The following TMEM117 variants were observed in gnomAD, a reference collection of about 807,000 sequenced individuals.
The protein encoded by TMEM117 is transmembrane protein 117.
A neutral mutation model predicts 52.4 loss-of-function variants in TMEM117; 27 were observed. The ratio of observed to expected loss-of-function variants is 0.51; its 90% CI spans 0.38 to 0.71. The LOEUF (loss-of-function observed/expected upper bound fraction) is 0.71, where lower values mean the gene tolerates loss of function less well. Ranked by LOEUF, TMEM117 falls within the 30% of genes least tolerant of loss-of-function variation. The pLI is 0.00. For missense variants in TMEM117, 556 were observed against 630.5 expected (o/e 0.88, Z 1.26); for synonymous variants, 215 against 206.3 (o/e 1.04, Z -0.36).
At chr12:43,998,953 T>C (rs1008858072) in intron 3 of TMEM117, among the ~76,000 whole-genome samples, 2 of 152,198 alleles carry the variant, frequency 1.3e-5, no homozygotes, top group African/African-American at 2.4e-5. Context: ...CACATCTTAA[T>C]TGATCATCAA....
At chr12:44,021,538 C>T (rs922767716) in intron 3 of TMEM117, among the ~76,000 whole-genome samples, 18 of 152,184 alleles carry the variant, frequency 1.2e-4, no homozygotes, top group Non-Finnish European at 2.4e-4. Flanking sequence ...TAGAACCAAA[C>T]TCAAATTCTT....
intron 3 of TMEM117, among the ~76,000 whole-genome samples, chr12:44,001,651 TCAC>T (rs1263543549): frequency 6.6e-6 from 1 of 151,536 alleles, no homozygotes; most frequent in Non-Finnish European, 1.5e-5. Flanking sequence ...GAAGACAAAT[TCAC>T]AGCCTGGTTC....
the TMEM117 span, among the ~76,000 whole-genome samples, chr12:43,810,516 G>C: frequency 6.6e-6 from 1 of 152,162 alleles, no homozygotes; most frequent in Non-Finnish European, 1.5e-5. Flanking sequence ...GATAAATTTA[G>C]GGCTGGAATC....
intron 6 of TMEM117, among the ~76,000 whole-genome samples, chr12:44,317,615 C>T (rs991633996): frequency 5.9e-5 from 9 of 152,098 alleles, no homozygotes; most frequent in Admixed American, 2.0e-4. Flanking sequence ...AGGCTAGTCT[C>T]GAACTCCTGA....
chr12:44,009,432 CA>C, intron 3 of TMEM117: 1 of 206,794 alleles, frequency 4.8e-6, no homozygotes. Context: ...ACCACTTCTT[CA>C]AATGTCAGCA....
At chr12:44,001,688 A>G (rs910682155) in intron 3 of TMEM117, among the ~76,000 whole-genome samples, 2 of 151,972 alleles carry the variant, frequency 1.3e-5, no homozygotes, top group Admixed American at 6.6e-5. Context: ...TGTGAGCTGG[A>G]ACAGAGGAGA....
At chr12:44,396,535 A>G in the TMEM117 span, among the ~76,000 whole-genome samples, 5 of 152,096 alleles carry the variant, frequency 3.3e-5, no homozygotes, top group African/African-American at 4.8e-5. Context: ...ATAACTACAT[A>G]TTAAGTGAAA....
At chr12:44,094,164 A>G (rs543088283) in intron 3 of TMEM117, among the ~76,000 whole-genome samples, 1 of 152,262 alleles carries the variant, frequency 6.6e-6, no homozygotes, top group East Asian at 1.9e-4. Context: ...GCTTGATTCA[A>G]TTTAAAGGGC....
intron 3 of TMEM117, among the ~76,000 whole-genome samples, chr12:44,064,816 A>T (rs1947197053): frequency 6.6e-6 from 1 of 152,156 alleles, no homozygotes; most frequent in African/African-American, 2.4e-5. Context: ...ATAAGTCTAA[A>T]GCTATGATGT....
chr12:44,149,016 T>C (rs1948684484), intron 4 of TMEM117, among the ~76,000 whole-genome samples: 1 of 152,216 alleles, frequency 6.6e-6, no homozygotes, highest in Non-Finnish European at 1.5e-5. Context: ...TCACACTAAA[T>C]TTGTTCCCAG....
intron 7 of TMEM117, among the ~76,000 whole-genome samples, chr12:44,383,290 T>C (rs1952045014): frequency 6.6e-6 from 1 of 152,184 alleles, no homozygotes; most frequent in South Asian, 2.1e-4. Flanking sequence ...CAGTACCTTA[T>C]AGTCTTTTTC....
chr12:44,183,901 G>T (rs1340328682), intron 4 of TMEM117, among the ~76,000 whole-genome samples: 1 of 152,096 alleles, frequency 6.6e-6, no homozygotes, highest in African/African-American at 2.4e-5. Flanking sequence ...CCCAAGCCAA[G>T]GCCTAAAATC....
At chr12:44,259,611 A>T (rs1206211624) in intron 5 of TMEM117, among the ~76,000 whole-genome samples, 2 of 152,166 alleles carry the variant, frequency 1.3e-5, no homozygotes, top group African/African-American at 4.8e-5. Flanking sequence ...TAGGTAATTA[A>T]GTATGTTCCA....
At chr12:43,970,717 G>A (rs1249338637) in intron 3 of TMEM117, among the ~76,000 whole-genome samples, 4 of 152,192 alleles carry the variant, frequency 2.6e-5, no homozygotes, top group African/African-American at 7.2e-5. Flanking sequence ...CTGTGGTTTC[G>A]GGCGTCCATT....
intron 6 of TMEM117, among the ~76,000 whole-genome samples, chr12:44,303,613 C>T (rs1425981874): frequency 6.6e-6 from 1 of 152,164 alleles, no homozygotes; most frequent in Non-Finnish European, 1.5e-5. Context: ...ATGCTACGTA[C>T]AGGACACAAG....
At chr12:44,249,554 A>T (rs541317081) in intron 5 of TMEM117, among the ~76,000 whole-genome samples, 14 of 152,324 alleles carry the variant, frequency 9.2e-5, no homozygotes, top group South Asian at 4.1e-4. Flanking sequence ...AGCAAAAAGA[A>T]CAAAGCTGGA....
chr12:44,046,403 G>T (rs1318837954), intron 3 of TMEM117, among the ~76,000 whole-genome samples: 1 of 152,202 alleles, frequency 6.6e-6, no homozygotes, highest in African/African-American at 2.4e-5. Flanking sequence ...CTCCATATTG[G>T]AGGTTAGGAA....
chr12:44,375,473 T>C (rs1405707706), intron 6 of TMEM117, among the ~76,000 whole-genome samples: 2 of 152,204 alleles, frequency 1.3e-5, no homozygotes, highest in African/African-American at 4.8e-5. Flanking sequence ...ATTGTCTTCT[T>C]CAAGGCCCAT....
intron 3 of TMEM117, among the ~76,000 whole-genome samples, chr12:43,964,409 G>A (rs1222585323): frequency 3.9e-5 from 6 of 152,064 alleles, no homozygotes; most frequent in Non-Finnish European, 8.8e-5. Flanking sequence ...TATACTTCCT[G>A]ATCTCTTTCC....
Sources: gnomAD v4.1 joint callset for allele counts (sites outside exome capture counted in the v4.1 genomes callset) on GRCh38, gnomAD v4.1.1 for gene constraint, MANE v1.5 for transcripts, NCBI Gene and HGNC (gene_info 2026-07-23, HGNC 2026-07-21) for gene names.